The following CHM variants were observed in gnomAD, a reference collection of about 807,000 sequenced individuals.
The protein encoded by CHM is CHM Rab escort protein, also known as rab proteins geranylgeranyltransferase component A 1.
In CHM, 10 loss-of-function variants were observed where a neutral mutation model predicts 49.0. That is an observed-to-expected ratio of 0.20 (90% confidence interval 0.13 to 0.35). The LOEUF is 0.35. CHM is among the 10% of genes least tolerant of loss of function. The pLI, the probability that CHM is intolerant of heterozygous loss-of-function variation, is 1.00. For missense variants in CHM, 455 were observed against 478.4 expected, an observed-to-expected ratio of 0.95 and a Z score of 0.46; for synonymous variants, 184 against 167.5, an observed-to-expected ratio of 1.10 and a Z score of -0.76.
chrX:86,042,404 T>C (rs1934501027), intron 1 of CHM, among the ~76,000 whole-genome samples: 2 of 111,190 alleles, frequency 1.8e-5, no homozygotes, highest in Non-Finnish European at 3.8e-5. Context: ...TACAGGCATC[T>C]GCTCGGCTTC....
chrX:86,010,033 G>C (rs1932990112), intron 2 of CHM, among the ~76,000 whole-genome samples: 1 of 109,390 alleles, frequency 9.1e-6, no homozygotes, highest in Non-Finnish European at 1.9e-5. Flanking sequence ...CATTTCCTTT[G>C]CAGGGACATG....
intron 12 of CHM, among the ~76,000 whole-genome samples, chrX:85,886,750 A>G (rs1208041419): frequency 9.1e-6 from 1 of 110,033 alleles, no homozygotes; most frequent in Non-Finnish European, 1.9e-5. Flanking sequence ...ATATCATTAA[A>G]GTCTTTTAAT....
chrX:86,019,501 G>T (rs1332839862), intron 2 of CHM: 2 of 112,012 alleles, frequency 1.8e-5, no homozygotes, highest in African/African-American at 6.5e-5. Context: ...GCTAAAGCTG[G>T]TTATTTGAAA....
chrX:85,984,629 T>C (rs1292500683), intron 2 of CHM, among the ~76,000 whole-genome samples: 4 of 111,927 alleles, frequency 3.6e-5, no homozygotes, highest in African/African-American at 1.3e-4. Context: ...AAGCATATAC[T>C]GACAAAAATA....
chrX:85,911,129 G>GTGTATATA (rs1219677231), intron 9 of CHM, 132 bp downstream of exon 9: 1 of 6,899 alleles, frequency 1.4e-4, no homozygotes, highest in African/African-American at 6.1e-4. Flanking sequence ...GTGTGTATAT[G>GTGTATATA]TATATATATA....
At chrX:85,953,173 A>G (rs1929836738) in intron 8 of CHM, among the ~76,000 whole-genome samples, 1 of 111,973 alleles carries the variant, frequency 8.9e-6, no homozygotes, top group Non-Finnish European at 1.9e-5. Context: ...TCTCAATTAG[A>G]ATACCCACAA....
chrX:86,041,759 CAT>C (rs1934478565), intron 1 of CHM, among the ~76,000 whole-genome samples: 1 of 64,603 alleles, frequency 1.5e-5, no homozygotes, highest in Non-Finnish European at 3.0e-5. Flanking sequence ...TATATATATA[CAT>C]ATATATATAA....
At chrX:85,960,717 C>T (rs1056320322) in intron 5 of CHM, among the ~76,000 whole-genome samples, 30 of 111,028 alleles carry the variant, frequency 2.7e-4, no homozygotes, top group African/African-American at 9.2e-4. Flanking sequence ...TGAGCCACCA[C>T]GCTCAGCCTA....
chrX:86,044,977 A>C (rs1934599136), intron 1 of CHM, among the ~76,000 whole-genome samples: 1 of 112,293 alleles, frequency 8.9e-6, no homozygotes, highest in African/African-American at 3.2e-5. Context: ...ATATGATCTT[A>C]AGGAACAATT....
chrX:85,932,325 A>G (rs1378231786), intron 8 of CHM, among the ~76,000 whole-genome samples: 2 of 112,473 alleles, frequency 1.8e-5, no homozygotes, highest in Non-Finnish European at 3.8e-5. Context: ...TGGTTTGTTC[A>G]ATTGGCTGTG....
chrX:85,928,435 C>T (rs1172168140), intron 8 of CHM, among the ~76,000 whole-genome samples: 5 of 110,292 alleles, frequency 4.5e-5, no homozygotes, highest in African/African-American at 1.7e-4. Flanking sequence ...CCCAGCTACT[C>T]GAGAGGCTGA....
intron 4 of CHM, among the ~76,000 whole-genome samples, chrX:85,964,313 A>G (rs1431528795): frequency 9.0e-6 from 1 of 111,196 alleles, no homozygotes; most frequent in African/African-American, 3.3e-5. Context: ...AGTCTTCAGA[A>G]TAACAGATCT....
chrX:85,936,576 C>G (rs1156278988), intron 8 of CHM, among the ~76,000 whole-genome samples: 2 of 111,974 alleles, frequency 1.8e-5, no homozygotes, highest in Non-Finnish European at 1.9e-5. Flanking sequence ...ACATGGAAAA[C>G]CTTACAAAGT....
intron 2 of CHM, among the ~76,000 whole-genome samples, chrX:85,997,596 C>G (rs764740047): frequency 9.0e-6 from 1 of 110,939 alleles, no homozygotes; most frequent in Non-Finnish European, 1.9e-5. Flanking sequence ...CTTTCCCCAC[C>G]ACTACTACCT....
At chrX:85,886,532 T>A (rs1925096938) in intron 12 of CHM, among the ~76,000 whole-genome samples, 1 of 111,736 alleles carries the variant, frequency 8.9e-6, no homozygotes, top group African/African-American at 3.2e-5. Flanking sequence ...CGAACAGGTT[T>A]GGATACATAA....
At chrX:86,010,127 G>A (rs1300692764) in intron 2 of CHM, among the ~76,000 whole-genome samples, 3 of 95,960 alleles carry the variant, frequency 3.1e-5, no homozygotes, top group African/African-American at 1.1e-4. Context: ...ATAAGTGGGA[G>A]TTGAACAATG....
At chrX:85,894,681 AG>A (rs1427636991) in intron 11 of CHM, among the ~76,000 whole-genome samples, 1 of 111,540 alleles carries the variant, frequency 9.0e-6, no homozygotes. Context: ...ACATTCAACT[AG>A]TACACTCCAA....
intron 13 of CHM, among the ~76,000 whole-genome samples, chrX:85,877,174 C>T (rs1012440609): frequency 9.0e-6 from 1 of 111,257 alleles, no homozygotes; most frequent in Admixed American, 9.6e-5. Context: ...AAATATGTAA[C>T]TTACAAATTA....
At chrX:85,966,047 T>C (rs1336426809) in intron 4 of CHM, among the ~76,000 whole-genome samples, 1 of 111,540 alleles carries the variant, frequency 9.0e-6, no homozygotes, top group Non-Finnish European at 1.9e-5. Context: ...AAAAGGTTAA[T>C]CAAAGATAAG....
Sources: gnomAD v4.1 joint callset for allele counts (sites outside exome capture counted in the v4.1 genomes callset) on GRCh38, gnomAD v4.1.1 for gene constraint, MANE v1.5 for transcripts, NCBI Gene and HGNC (gene_info 2026-07-23, HGNC 2026-07-21) for gene names.